SMARCD2: variants seen among roughly 807,000 people sequenced by gnomAD.
SMARCD2 encodes SWI/SNF related BAF chromatin remodeling complex subunit D2.
A neutral mutation model predicts 70.4 loss-of-function variants in SMARCD2; 39 were observed. The ratio of observed to expected loss-of-function variants is 0.55; its 90% CI spans 0.43 to 0.72. SMARCD2 has a LOEUF of 0.72. SMARCD2 is among the 30% of genes least tolerant of loss of function. The pLI, the probability that SMARCD2 is intolerant of heterozygous loss-of-function variation, is 0.00. For missense variants in SMARCD2, 540 were observed against 713.4 expected, an observed-to-expected ratio of 0.76 and a Z score of 2.77; for synonymous variants, 249 against 279.4, an observed-to-expected ratio of 0.89 and a Z score of 1.08.
intron 4 of SMARCD2, 92 bp downstream of exon 4, chr17:63,836,830 G>T: frequency 7.6e-7 from 1 of 1,311,980 alleles, no homozygotes; most frequent in South Asian, 1.3e-5. Flanking sequence ...TGAAAAACCC[G>T]GCTCTAGCCC....
chr17:63,835,323 C>T, intron 5 of SMARCD2, 89 bp downstream of exon 5: 1 of 1,381,340 alleles, frequency 7.2e-7, no homozygotes, highest in Non-Finnish European at 9.9e-7. Flanking sequence ...GGGTCTGGCT[C>T]TGCTGCTCAG....
chr17:63,836,268 A>C (rs1173688681), intron 4 of SMARCD2, among the ~76,000 whole-genome samples: 3 of 151,954 alleles, frequency 2.0e-5, no homozygotes, highest in Admixed American at 2.0e-4. Flanking sequence ...TCACGCCTGT[A>C]ATCTCAGCAC....
chr17:63,838,659 T>C, intron 1 of SMARCD2: 1 of 1,475,056 alleles, frequency 6.8e-7, no homozygotes, highest in South Asian at 1.3e-5. Flanking sequence ...GGGAGTCACC[T>C]CCACCCCCAC....
chr17:63,842,629 G>A lies in SMARCD2; in HGVS notation c.46C>T (p.Pro16Ser). ...AGGFPLPPLS[P>S]GGGAVAAALG... Reference sequence around the variant, plus strand: ...GCCGCAGCCACGGCGCCGCCGCCAGGGCTTAGCGGGGGCAGCGGGAACCCG... The same window carrying A: ...GCCGCAGCCACGGCGCCGCCGCCAGAGCTTAGCGGGGGCAGCGGGAACCCG... Residue 16 changes from proline (P) to serine (S), a missense_variant, in exon 1 of 13, where the codon CCT becomes TCT. Physicochemically the swap from Pro to Ser is moderately conservative, Grantham distance 74. Coordinates refer to ENST00000448276, the MANE Select transcript of SMARCD2 (RefSeq NM_001098426.2). The A allele has an allele frequency of 6.4e-6, 8 of 1,249,360 alleles. No individual in the cohort carries two copies. Among genetic ancestry groups the A allele is most frequent in the Non-Finnish European group, 8.0e-6 (8 of 998,400 alleles). 77.4% of individuals were successfully genotyped at this position (1,249,360 alleles called of 1,614,324 possible). A position where few individuals can be genotyped will look rare whatever the true frequency, so the allele number is the denominator to read the frequency against.
intron 1 of SMARCD2, among the ~76,000 whole-genome samples, chr17:63,839,739 G>A (rs6504187): frequency 0.7 from 106,572 of 152,106 alleles, 38,788 homozygotes; most frequent in African/African-American, 0.92. Context: ...TCCGGTGAGC[G>A]TGCTTTGCCC....
In SMARCD2 at chr17:63,833,174, C is replaced by T. The variant is rs761102426; in HGVS notation, c.1441-4G>A. Reference sequence around the variant, plus strand: ...TTCCAATCACATCAGTGATGATCTGCAAAGAGCCAGGAGGAAAGCCATAGC... The same window carrying T: ...TTCCAATCACATCAGTGATGATCTGTAAAGAGCCAGGAGGAAAGCCATAGC... On this transcript the variant is annotated splice_polypyrimidine_tract_variant and splice_region_variant and intron_variant, in intron 11 of 12. Transcript: ENST00000448276. This position sits in a 1 kb window ranked among gnomAD's most constrained non-coding sequence, Gnocchi z 4.3. 7 of 1,608,128 alleles carry T rather than the reference C, an allele frequency of 4.4e-6. No individual in the cohort carries two copies. The East Asian group carries it at 8.9e-5, about 21-fold the overall frequency.
intron 1 of SMARCD2, chr17:63,838,545 G>T: frequency 7.5e-7 from 1 of 1,327,094 alleles, no homozygotes; most frequent in Non-Finnish European, 9.9e-7. Flanking sequence ...AGAGGCCCAG[G>T]CTGAGCAGCA....
intron 1 of SMARCD2, among the ~76,000 whole-genome samples, chr17:63,838,285 AG>A (rs2040291155): frequency 6.6e-6 from 1 of 151,932 alleles, no homozygotes; most frequent in Non-Finnish European, 1.5e-5. Flanking sequence ...GGTATCACAT[AG>A]CCCCCACCCA....
chr17:63,834,642 C>T lies in SMARCD2; in HGVS notation c.819+63G>A. On this transcript the variant is annotated intron_variant, in intron 6 of 12. Transcript: ENST00000448276. The surrounding 1 kb of genome is among the most constrained non-coding windows in gnomAD (Gnocchi z 5.6). ...CGTGAACACAGGGCCTCCCAAGGGC[C>T]CTGAGGCCATTTCCCTGCCAAACCT... The T allele has an allele frequency of 1.3e-6, 2 of 1,568,940 alleles. No homozygotes were observed. The highest frequency in any genetic ancestry group is 1.8e-6 in the Non-Finnish European group (2 of 1,139,688).
chr17:63,842,360 T>G, intron 1 of SMARCD2, 99 bp downstream of exon 1: 1 of 1,203,008 alleles, frequency 8.3e-7, no homozygotes, highest in Non-Finnish European at 1.0e-6. Flanking sequence ...GAGTTCCTCA[T>G]GCATTCCCCA....
rs369996203 is a variant in SMARCD2, at chr17:63,833,581, G to A, written c.1317+6C>T. ...CCAGAGGAAGCTGTGGAGCCAGAGGGCCCACCTTGACATCAAGGGAGGCGA... is the reference window on the plus strand; with the variant it reads ...CCAGAGGAAGCTGTGGAGCCAGAGGACCCACCTTGACATCAAGGGAGGCGA... On this transcript the variant is annotated splice_donor_region_variant and intron_variant, in intron 10 of 12. Coordinates refer to ENST00000448276, the MANE Select transcript of SMARCD2 (RefSeq NM_001098426.2). This position sits in a 1 kb window ranked among gnomAD's most constrained non-coding sequence, Gnocchi z 4.3. The A allele has an allele frequency of 5.6e-6, 9 of 1,613,996 alleles. No individual in the cohort carries two copies. In the African/African-American group the frequency reaches 1.2e-4, roughly 22 times the overall value.
Position 63,834,112 on chromosome 17 carries a change from C to A in SMARCD2, c.1083+55G>T, listed in dbSNP as rs2040233061. The A allele has an allele frequency of 1.2e-6, 2 of 1,604,474 alleles. No homozygotes were observed. Among genetic ancestry groups the A allele is most frequent in the Non-Finnish European group, 1.7e-6 (2 of 1,172,846 alleles). ...CTGCAGGCTGTGGCCAAGGAGTAGC[C>A]CAGCAGGCAAGGCAAAGCAAGGGCT... On this transcript the variant is annotated intron_variant, in intron 8 of 12. Transcript: ENST00000448276. This position sits in a 1 kb window ranked among gnomAD's most constrained non-coding sequence, Gnocchi z 5.6.
chr17:63,836,925 C>G lies in SMARCD2; in HGVS notation c.564G>C (p.Leu188=), dbSNP rs778121868. ...AGGTGGTCAGGGCCACACATACTGTCAGAGGCTTTTTGATGGCCTCCTGGA... is the reference window on the plus strand; with the variant it reads ...AGGTGGTCAGGGCCACACATACTGTGAGAGGCTTTTTGATGGCCTCCTGGA... ...MEIQEAIKKP[L]TQKRKLRIYI... is the part of the protein sequence containing the mutation. Residue 188 remains leucine (L), a synonymous_variant, in exon 4 of 13, where the codon CTG becomes CTC. Coordinates refer to ENST00000448276, the MANE Select transcript of SMARCD2 (RefSeq NM_001098426.2). 5.0e-6 allele frequency: 8 copies of G among 1,613,586 alleles called. No individual in the cohort carries two copies. The highest frequency in any genetic ancestry group is 5.9e-6 in the Non-Finnish European group (7 of 1,179,736).
At chr17:63,838,584 T>C (rs915551764) in intron 1 of SMARCD2, 2 of 1,446,508 alleles carry the variant, frequency 1.4e-6, no homozygotes, top group East Asian at 2.7e-5. Flanking sequence ...ATAGCTTCTT[T>C]AGATGCCTGC....
intron 1 of SMARCD2, among the ~76,000 whole-genome samples, chr17:63,842,157 A>T (rs1379780349): frequency 6.6e-6 from 1 of 151,812 alleles, no homozygotes; most frequent in African/African-American, 2.4e-5. Flanking sequence ...TAGACTTCTC[A>T]ACCCACCCGC....
At position 63,835,438 on chromosome 17, in the gene SMARCD2, G is replaced by A. The variant is rs367946883; in HGVS notation, c.697C>T (p.Arg233Ter). The change falls in exon 5 of 13, where the codon CGA becomes TGA. Residue 233 changes from arginine (R) to a stop codon, truncating the protein, a stop_gained. Transcript: ENST00000448276. LOFTEE classifies it high-confidence loss of function. ...AGDKVASWEL[R>*]VEGKLLDDPS... ...TCATCCAGCAGTTTTCCTTCCACTCGGAGTTCCCAGGAAGCCACCTTGTCC... is the reference window on the plus strand; with the variant it reads ...TCATCCAGCAGTTTTCCTTCCACTCAGAGTTCCCAGGAAGCCACCTTGTCC... The A allele has an allele frequency of 1.9e-6, 3 of 1,613,530 alleles. No homozygotes were observed. Among genetic ancestry groups the A allele is most frequent in the Non-Finnish European group, 2.5e-6 (3 of 1,179,664 alleles).
rs1343152105 is a variant in SMARCD2, at chr17:63,834,071, C to G, written c.1084-65G>C. The G allele has an allele frequency of 6.3e-7, 1 of 1,589,830 alleles. No individual in the cohort carries two copies. The highest frequency in any genetic ancestry group is 8.6e-7 in the Non-Finnish European group (1 of 1,159,044). On this transcript the variant is annotated intron_variant, in intron 8 of 12. Coordinates refer to ENST00000448276, the MANE Select transcript of SMARCD2 (RefSeq NM_001098426.2). The surrounding 1 kb of genome is among the most constrained non-coding windows in gnomAD (Gnocchi z 5.6). ...ACAGTGGAGTGGACCATTCCAGGAC[C>G]AGTGAGGGCAGCAGTCTGCAGGCTG...
At position 63,837,659 on chromosome 17, in the gene SMARCD2, C is replaced by T. The variant is rs200700137; in HGVS notation, c.217-34G>A. 2 of 1,589,270 alleles carry T rather than the reference C, an allele frequency of 1.3e-6. No individual in the cohort carries two copies. The highest frequency in any genetic ancestry group is 1.3e-5 in the African/African-American group (1 of 74,556). ...AGTGAGCCAACGGGGGTGCATAGGT[C>T]AGGGGCAAGGCCCTCCGGGACCCAT... On this transcript the variant is annotated intron_variant, in intron 1 of 12. Transcript: ENST00000448276. This position sits in a 1 kb window ranked among gnomAD's most constrained non-coding sequence, Gnocchi z 6.4.
rs909367978 is a variant in SMARCD2, at chr17:63,842,392, T to C, written c.216+67A>G. On this transcript the variant is annotated intron_variant, in intron 1 of 12. Coordinates refer to ENST00000448276, the MANE Select transcript of SMARCD2 (RefSeq NM_001098426.2). ...CCCAGGGCCCTCACTCGAGGCCCCTTCAGCCGCCGGCCCGGGCGCCCTCGC... is the reference window on the plus strand; with the variant it reads ...CCCAGGGCCCTCACTCGAGGCCCCTCCAGCCGCCGGCCCGGGCGCCCTCGC... 2.4e-6 allele frequency: 3 copies of C among 1,270,914 alleles called. No individual in the cohort carries two copies. The African/African-American group carries it at 4.8e-5, about 20-fold the overall frequency. The allele number at this position is 1,270,914 out of a possible 1,614,324, so 78.7% of individuals were successfully genotyped here.
Sources: allele counts gnomAD v4.1 joint callset (sites outside exome capture counted in the v4.1 genomes callset), GRCh38; gene constraint gnomAD v4.1.1; non-coding constraint Gnocchi (gnomAD v3.1); transcripts MANE v1.5; gene names NCBI Gene and HGNC (gene_info 2026-07-23, HGNC 2026-07-21).